KIRREL3: variants seen among roughly 807,000 people sequenced by gnomAD.
The protein encoded by KIRREL3 is kirre like nephrin family adhesion molecule 3.
Under a neutral mutation model 89.7 loss-of-function variants are expected in KIRREL3, and 36 were observed. The ratio of observed to expected loss-of-function variants is 0.40; its 90% CI spans 0.31 to 0.53. KIRREL3 has a LOEUF of 0.53. Ranked by LOEUF, KIRREL3 falls within the 20% of genes least tolerant of loss-of-function variation. KIRREL3 has a pLI of 0.49. For missense variants in KIRREL3, 864 were observed against 1,056.6 expected (o/e 0.82, Z 2.53); for synonymous variants, 445 against 441.4 (o/e 1.01, Z -0.10).
intron 7 of KIRREL3, among the ~76,000 whole-genome samples, chr11:126,451,232 TG>T (rs1956116740): frequency 6.8e-6 from 1 of 146,848 alleles, no homozygotes; most frequent in Non-Finnish European, 1.5e-5. Context: ...TGTGTATGCA[TG>T]TGTACATGTG....
chr11:126,731,464 T>G (rs1948614496), intron 1 of KIRREL3, among the ~76,000 whole-genome samples: 1 of 152,238 alleles, frequency 6.6e-6, no homozygotes, highest in Non-Finnish European at 1.5e-5. Flanking sequence ...CTACCACAGC[T>G]TGTACGTATT....
In KIRREL3 at chr11:126,626,527, G is replaced by A. The variant is rs1943791317; in HGVS notation, c.56-63615C>T. The stretch of plus-strand genomic sequence containing the variant: ...CCATTAACTCTTTAGTAGCTGGACA[G>A]TAGGGGGTATCTTGGAGGAGGGTCT... On this transcript the variant is annotated intron_variant, in intron 1 of 16. Coordinates refer to ENST00000525144, the MANE Select transcript of KIRREL3 (RefSeq NM_032531.4). Among the ~76,000 whole-genome samples, 4 of 152,212 alleles carry A rather than the reference G, an allele frequency of 2.6e-5. No homozygotes were observed. The South Asian group carries it at 8.3e-4, about 32-fold the overall frequency.
chr11:126,767,283 C>G (rs568437640), intron 1 of KIRREL3, among the ~76,000 whole-genome samples: 1 of 152,314 alleles, frequency 6.6e-6, no homozygotes, highest in South Asian at 2.1e-4. Context: ...CCAAATCTGA[C>G]AGGAGGGAGC....
At position 126,446,978 on chromosome 11, in the gene KIRREL3, C is replaced by A. The variant is rs182869696; in HGVS notation, c.998-92G>T. On this transcript the variant is annotated intron_variant, in intron 8 of 16. Coordinates refer to ENST00000525144, the MANE Select transcript of KIRREL3 (RefSeq NM_032531.4). The stretch of plus-strand genomic sequence containing the variant: ...GCCTCCTTTTCCCCCTAGACCTTGA[C>A]TGGGGGGAGGCAGGCAGTGGGGTAC... 121 of 1,480,322 alleles carry A rather than the reference C, an allele frequency of 8.2e-5. No individual in the cohort carries two copies. The East Asian group carries it at 2.1e-3, about 26-fold the overall frequency. 91.7% of individuals were successfully genotyped at this position (1,480,322 alleles called of 1,614,324 possible).
At position 126,541,197 on chromosome 11, in the gene KIRREL3, G is replaced by A. The variant is rs147758143; in HGVS notation, c.134-14510C>T. 5.8e-4 allele frequency among the ~76,000 whole-genome samples: 89 copies of A among 152,312 alleles called. No individual in the cohort carries two copies. Among genetic ancestry groups the A allele is most frequent in the African/African-American group, 1.9e-3 (79 of 41,576 alleles). On this transcript the variant is annotated intron_variant, in intron 2 of 16. Coordinates refer to ENST00000525144, the MANE Select transcript of KIRREL3 (RefSeq NM_032531.4). The surrounding 1 kb of genome is among the most constrained non-coding windows in gnomAD (Gnocchi z 4.8). ...CTTGCTCCCATGTCTAAGGGGTACT[G>A]TATGGACACATGAAGCTTTGTCCTT...
chr11:126,436,891 G>A lies in KIRREL3; in HGVS notation c.1472C>T (p.Ala491Val), dbSNP rs778151336. 6.2e-6 allele frequency: 10 copies of A among 1,613,514 alleles called. No homozygotes were observed. Among genetic ancestry groups the A allele is most frequent in the South Asian group, 1.1e-5 (1 of 91,066 alleles). ...GCAGTTGTAGATGGTCTGGAAGTCGGCCCGCACGATGTTGCTGATGGTCAG... is the reference window on the plus strand; with the variant it reads ...GCAGTTGTAGATGGTCTGGAAGTCGACCCGCACGATGTTGCTGATGGTCAG... ...STLTISNIVR[A>V]DFQTIYNCTA... is the part of the protein sequence containing the mutation. The change falls in exon 12 of 17, where the codon GCC becomes GTC. Residue 491 changes from alanine to valine, a missense_variant. Ala to Val is a moderately conservative substitution (Grantham distance 64). Coordinates refer to ENST00000525144, the MANE Select transcript of KIRREL3 (RefSeq NM_032531.4).
intron 1 of KIRREL3, among the ~76,000 whole-genome samples, chr11:126,871,494 A>G (rs1251292547): frequency 6.6e-6 from 1 of 152,200 alleles, no homozygotes; most frequent in African/African-American, 2.4e-5. Context: ...AAAGAAAGGA[A>G]GAAAAACTTT....
rs1948626642 is a variant in KIRREL3 at position 126,946,616 on chromosome 11, A to G, written c.55+53839T>C. 6.6e-6 allele frequency among the ~76,000 whole-genome samples: 1 copy of G among 152,230 alleles called. No homozygotes were observed. The highest frequency in any genetic ancestry group is 2.4e-5 in the African/African-American group (1 of 41,462). ...TCAGTTACTATGATAAGAGCTCATA[A>G]AATATGTCCCAATATCCATAACAGG... On this transcript the variant is annotated intron_variant, in intron 1 of 16. Transcript: ENST00000525144. The surrounding 1 kb of genome is among the most constrained non-coding windows in gnomAD (Gnocchi z 4.1).
At position 126,909,877 on chromosome 11, in the gene KIRREL3, TA is replaced by T. The variant is rs1317495171; in HGVS notation, c.55+90577del. The stretch of plus-strand genomic sequence containing the variant: ...TATATGGTCTGTGATATGGATATGA[TA>T]TTTTTTTATTGCAATAATAAGTTTC... On this transcript the variant is annotated intron_variant, in intron 1 of 16. Coordinates refer to ENST00000525144, the MANE Select transcript of KIRREL3 (RefSeq NM_032531.4). This position sits in a 1 kb window ranked among gnomAD's most constrained non-coding sequence, Gnocchi z 4.5. Among the ~76,000 whole-genome samples the T allele has an allele frequency of 1.4e-4, 22 of 152,284 alleles. No individual in the cohort carries two copies. The highest frequency in any genetic ancestry group is 2.9e-4 in the African/African-American group (12 of 41,552).
rs191233114 is a variant in KIRREL3, at chr11:126,947,455, A to G, written c.55+53000T>C. Among the ~76,000 whole-genome samples, 81 of 152,340 alleles carry G rather than the reference A, an allele frequency of 5.3e-4. No homozygotes were observed. The South Asian group carries it at 0.011, about 21-fold the overall frequency. ...ACCAGGAATTCAAGACCAACTTTCA[A>G]TGAAGCTGGAAGTGTGCCTGTCTTG... On this transcript the variant is annotated intron_variant, in intron 1 of 16. Coordinates refer to ENST00000525144, the MANE Select transcript of KIRREL3 (RefSeq NM_032531.4).
Position 126,943,059 on chromosome 11 carries a change from C to A in KIRREL3, c.55+57396G>T, listed in dbSNP as rs1193068754. 6.6e-6 allele frequency among the ~76,000 whole-genome samples: 1 copy of A among 152,220 alleles called. No homozygotes were observed. Among genetic ancestry groups the A allele is most frequent in the African/African-American group, 2.4e-5 (1 of 41,450 alleles). On this transcript the variant is annotated intron_variant, in intron 1 of 16. Transcript: ENST00000525144. This position sits in a 1 kb window ranked among gnomAD's most constrained non-coding sequence, Gnocchi z 4.2. ...TATTCCCTCCAATCCCCACCCACTG[C>A]AGACAAAGTCTCTTGGGACAAGCCT... is the stretch of plus-strand genomic sequence containing the variant.
At chr11:126,726,638 G>A (rs1023955034) in intron 1 of KIRREL3, among the ~76,000 whole-genome samples, 1 of 152,174 alleles carries the variant, frequency 6.6e-6, no homozygotes, top group African/African-American at 2.4e-5. Flanking sequence ...AAAGTGCTAG[G>A]ATAACAGGTG....
rs1327668328 is a variant in KIRREL3, at chr11:126,474,736, T to C, written c.434-1270A>G. On this transcript the variant is annotated intron_variant, in intron 4 of 16. Coordinates refer to ENST00000525144, the MANE Select transcript of KIRREL3 (RefSeq NM_032531.4). This position sits in a 1 kb window ranked among gnomAD's most constrained non-coding sequence, Gnocchi z 6.7. ...CAGTGCCCAGCACAGAGCCCTGTGC[T>C]GGGGAAACTCCACTGACATTTGCTG... is the stretch of plus-strand genomic sequence containing the variant. Among the ~76,000 whole-genome samples, 1 of 152,198 alleles carries C rather than the reference T, an allele frequency of 6.6e-6. No individual in the cohort carries two copies. The highest frequency in any genetic ancestry group is 2.4e-5 in the African/African-American group (1 of 41,458).
At chr11:126,631,305 C>A (rs537366853) in intron 1 of KIRREL3, among the ~76,000 whole-genome samples, 1 of 152,170 alleles carries the variant, frequency 6.6e-6, no homozygotes, top group African/African-American at 2.4e-5. Flanking sequence ...AGTAACTAAG[C>A]GGCTTGATGA....
chr11:126,914,159 T>A (rs1946941621), intron 1 of KIRREL3, among the ~76,000 whole-genome samples: 1 of 152,218 alleles, frequency 6.6e-6, no homozygotes, highest in Non-Finnish European at 1.5e-5. Flanking sequence ...GAGGAAGGAA[T>A]GTCTCGGATA....
At chr11:126,982,857 A>G (rs1159673719) in intron 1 of KIRREL3, among the ~76,000 whole-genome samples, 1 of 152,230 alleles carries the variant, frequency 6.6e-6, no homozygotes, top group Non-Finnish European at 1.5e-5. Flanking sequence ...CAAAGACAGG[A>G]GGAGGCCAAG....
Position 126,682,110 on chromosome 11 carries a change from G to A in KIRREL3, c.56-119198C>T, listed in dbSNP as rs545400682. On this transcript the variant is annotated intron_variant, in intron 1 of 16. Transcript: ENST00000525144. This position sits in a 1 kb window ranked among gnomAD's most constrained non-coding sequence, Gnocchi z 4.8. The stretch of plus-strand genomic sequence containing the variant: ...AATATTCCTCCCTCCTGTGACCACC[G>A]AAAAGGTCATATTTAGGACCTGGGT... 3.6e-5 allele frequency: 12 copies of A among 336,354 alleles called. No homozygotes were observed. The highest frequency in any genetic ancestry group is 4.8e-5 in the South Asian group (2 of 41,330). The allele number at this position is 336,354 out of a possible 1,614,324, so 20.8% of individuals were successfully genotyped here.
At chr11:126,861,087 C>T (rs1944688511) in intron 1 of KIRREL3, among the ~76,000 whole-genome samples, 1 of 152,126 alleles carries the variant, frequency 6.6e-6, no homozygotes, top group African/African-American at 2.4e-5. Flanking sequence ...GGGCAAAGCT[C>T]TGGATGTTTG....
chr11:126,746,662 GATCTCTATGATCAGGTGT>G (rs2134234552), intron 1 of KIRREL3, among the ~76,000 whole-genome samples: 1 of 152,254 alleles, frequency 6.6e-6, no homozygotes, highest in Non-Finnish European at 1.5e-5. Context: ...ACCACACCCT[GATCTCTATGATCAGGTGT>G]ATCTCTATGA....
Sources: gnomAD v4.1 joint callset for allele counts (sites outside exome capture counted in the v4.1 genomes callset) on GRCh38, gnomAD v4.1.1 for gene constraint, Gnocchi (gnomAD v3.1) non-coding constraint, MANE v1.5 for transcripts, NCBI Gene and HGNC (gene_info 2026-07-23, HGNC 2026-07-21) for gene names.